The following ITPR1 variants were observed in gnomAD, a reference collection of about 807,000 sequenced individuals.
ITPR1 encodes the protein inositol 1,4,5-trisphosphate receptor type 1.
A neutral mutation model predicts 318.4 loss-of-function variants in ITPR1; 96 were observed. The ratio of observed to expected loss-of-function variants is 0.30; its 90% CI spans 0.26 to 0.36. ITPR1 has a LOEUF of 0.36. Ranked by LOEUF, ITPR1 falls within the 10% of genes least tolerant of loss-of-function variation. ITPR1 has a pLI of 1.00. For synonymous variants in ITPR1, 1,312 were observed against 1,289.9 expected, an observed-to-expected ratio of 1.02 and a Z score of -0.37; for missense variants, 2,440 against 3,460.2, an observed-to-expected ratio of 0.71 and a Z score of 7.40.
intron 46 of ITPR1, among the ~76,000 whole-genome samples, chr3:4,773,889 G>A (rs533337632): frequency 2.0e-5 from 3 of 152,346 alleles, no homozygotes; most frequent in South Asian, 4.1e-4. Flanking sequence ...TTGTAGTGGG[G>A]AGAAAGGAGG....
At chr3:4,578,087 T>C (rs60674195) in intron 4 of ITPR1, among the ~76,000 whole-genome samples, 2,762 of 152,332 alleles carry the variant, frequency 0.018, 80 homozygotes, top group African/African-American at 0.063. Context: ...AGTTTGTTTA[T>C]AGCAAGCAAA....
intron 19 of ITPR1, 23 bp downstream of exon 19, chr3:4,669,796 G>A (rs1473682887): frequency 6.3e-7 from 1 of 1,594,138 alleles, no homozygotes; most frequent in Non-Finnish European, 8.6e-7. Context: ...CCAGGGTTTA[G>A]ATGGAAAACA....
In ITPR1 at chr3:4,846,252, AC is replaced by A; in HGVS notation, c.*29del. The A allele has an allele frequency of 7.0e-7, 1 of 1,435,686 alleles. No homozygotes were observed. The highest frequency in any genetic ancestry group is 1.4e-5 in the African/African-American group (1 of 70,816). 88.9% of individuals were successfully genotyped at this position (1,435,686 alleles called of 1,614,324 possible). ...CAAATGAAAGAAAGGAATTGTATTT[AC>A]CTTTTATAATTATTATTAGTGTGGG... is the stretch of plus-strand genomic sequence containing the variant. On this transcript the variant is annotated 3_prime_UTR_variant, in exon 62 of 62. Coordinates refer to ENST00000649015, the MANE Select transcript of ITPR1 (RefSeq NM_001378452.1).
chr3:4,649,128 T>A (rs1424383400), intron 10 of ITPR1, among the ~76,000 whole-genome samples: 1 of 152,156 alleles, frequency 6.6e-6, no homozygotes, highest in African/African-American at 2.4e-5. Context: ...CAGAGTTAGT[T>A]TAAAGTAATA....
At chr3:4,522,071 C>T (rs190176697) in intron 4 of ITPR1, among the ~76,000 whole-genome samples, 30 of 152,204 alleles carry the variant, frequency 2.0e-4, no homozygotes, top group African/African-American at 7.0e-4. Flanking sequence ...GGTTAGTGGT[C>T]CTCAGCTCTA....
At chr3:4,545,178 A>C (rs994873437) in intron 4 of ITPR1, among the ~76,000 whole-genome samples, 9 of 152,230 alleles carry the variant, frequency 5.9e-5, no homozygotes, top group Non-Finnish European at 1.3e-4. Flanking sequence ...CAGATGAGAG[A>C]AAAACCCAAA....
At chr3:4,540,741 A>G (rs2084363571) in intron 4 of ITPR1, among the ~76,000 whole-genome samples, 1 of 151,940 alleles carries the variant, frequency 6.6e-6, no homozygotes, top group Non-Finnish European at 1.5e-5. Context: ...ATGCCTGGCT[A>G]ATTTTTGTAT....
chr3:4,645,240 G>A, intron 8 of ITPR1, 147 bp from the exon 9 acceptor site: 1 of 663,014 alleles, frequency 1.5e-6, no homozygotes, highest in East Asian at 2.7e-5. Flanking sequence ...TGATTTTGCA[G>A]GTGCTGTGAT....
chr3:4,568,696 C>G (rs1390933871), intron 4 of ITPR1, among the ~76,000 whole-genome samples: 1 of 152,036 alleles, frequency 6.6e-6, no homozygotes, highest in Non-Finnish European at 1.5e-5. Context: ...AAGGAATGAG[C>G]CATGTTGTGT....
chr3:4,578,141 C>T (rs1399995084), intron 4 of ITPR1, among the ~76,000 whole-genome samples: 1 of 152,160 alleles, frequency 6.6e-6, no homozygotes, highest in African/African-American at 2.4e-5. Flanking sequence ...CGCTTGACAC[C>T]ATTGGGCTTT....
intron 54 of ITPR1, 114 bp downstream of exon 54, chr3:4,800,714 G>A (rs2048172104): frequency 1.3e-5 from 14 of 1,115,060 alleles, no homozygotes; most frequent in Middle Eastern, 2.0e-4. Context: ...TTATTGTTTG[G>A]GGCAACTGTT....
At chr3:4,596,247 A>G (rs1005177505) in intron 4 of ITPR1, 1 of 152,162 alleles carries the variant, frequency 6.6e-6, no homozygotes, top group African/African-American at 2.4e-5. Context: ...CTTAGAGTTT[A>G]TTGTAAACGG....
chr3:4,759,688 A>G (rs79746927), intron 44 of ITPR1, among the ~76,000 whole-genome samples: 2,136 of 152,220 alleles, frequency 0.014, 51 homozygotes, highest in African/African-American at 0.048. Flanking sequence ...TCTTTTATCT[A>G]GCGGCGTCTT....
intron 1 of ITPR1, 28 bp from the exon 2 acceptor site, chr3:4,494,403 T>G (rs1041786657): frequency 3.3e-5 from 5 of 152,290 alleles, no homozygotes; most frequent in African/African-American, 1.2e-4. Flanking sequence ...GGTCTGGTAC[T>G]CAGTCTTCTT....
chr3:4,644,053 A>C, intron 7 of ITPR1, 83 bp from the exon 8 acceptor site: 1 of 845,978 alleles, frequency 1.2e-6, no homozygotes, highest in East Asian at 2.7e-5. Context: ...GCACAGACTC[A>C]TATGTCTTCT....
Position 4,806,704 on chromosome 3 carries a change from A to G in ITPR1, c.7272+437A>G, listed in dbSNP as rs548043369. 7.9e-5 allele frequency among the ~76,000 whole-genome samples: 12 copies of G among 152,230 alleles called. 1 individual carries two copies. In the South Asian group the frequency reaches 2.5e-3, roughly 32 times the overall value. On this transcript the variant is annotated intron_variant, in intron 55 of 61. Coordinates refer to ENST00000649015, the MANE Select transcript of ITPR1 (RefSeq NM_001378452.1). ...CCATAAGAGTAGGAGCTAGTTTTGA[A>G]GCCCCGGGATTCATGATCATGAGCT...
chr3:4,566,073 A>G (rs1363949771), intron 4 of ITPR1, among the ~76,000 whole-genome samples: 4 of 152,212 alleles, frequency 2.6e-5, no homozygotes, highest in Non-Finnish European at 5.9e-5. Flanking sequence ...GAACTGTAAC[A>G]TATCCTCAAA....
At chr3:4,787,337 C>CAAAAAA (rs71053443) in intron 51 of ITPR1, among the ~76,000 whole-genome samples, 41 of 51,334 alleles carry the variant, frequency 8.0e-4, no homozygotes, top group East Asian at 1.3e-3. Flanking sequence ...GACTCCATCT[C>CAAAAAA]AAAAAAAAAA....
intron 52 of ITPR1, among the ~76,000 whole-genome samples, chr3:4,793,449 A>G (rs1335338429): frequency 6.6e-6 from 1 of 152,230 alleles, no homozygotes; most frequent in African/African-American, 2.4e-5. Flanking sequence ...ACTCAGCTTC[A>G]GCGGTTATCA....
Sources: gnomAD v4.1 joint callset for allele counts (sites outside exome capture counted in the v4.1 genomes callset) on GRCh38, gnomAD v4.1.1 for gene constraint, MANE v1.5 for transcripts, NCBI Gene and HGNC (gene_info 2026-07-23, HGNC 2026-07-21) for gene names.